Variants in SLC9A9 observed in about 807,000 individuals in gnomAD.
SLC9A9 encodes solute carrier family 9 member A9.
A neutral mutation model predicts 77.8 loss-of-function variants in SLC9A9; 62 were observed. The observed-to-expected ratio is 0.80, with a 90% CI of 0.65 to 0.98. The LOEUF (loss-of-function observed/expected upper bound fraction) is 0.98. Among genes scored for constraint, SLC9A9 ranks in the 50% least tolerant of loss-of-function variants. The probability of loss-of-function intolerance (pLI) is 0.00; values close to 1 mark genes in which losing one functional copy is unlikely to be tolerated. For missense variants in SLC9A9, 775 were observed against 774.9 expected (o/e 1.00, Z 0.00); for synonymous variants, 320 against 283.5 (o/e 1.13, Z -1.29).
At chr3:143,627,610 T>G in intron 6 of SLC9A9, 1 of 313,074 alleles carries the variant, frequency 3.2e-6, no homozygotes, top group South Asian at 3.8e-5. Flanking sequence ...AAAATGAAAT[T>G]GGAAGAGCCA....
intron 12 of SLC9A9, among the ~76,000 whole-genome samples, chr3:143,458,686 A>T (rs2035135966): frequency 6.6e-6 from 1 of 152,132 alleles, no homozygotes; most frequent in South Asian, 2.1e-4. Flanking sequence ...TTCAAGTGGA[A>T]TGTAGAAAAC....
At chr3:143,551,358 C>A (rs1019834613) in intron 9 of SLC9A9, among the ~76,000 whole-genome samples, 1 of 152,204 alleles carries the variant, frequency 6.6e-6, no homozygotes, top group African/African-American at 2.4e-5. Flanking sequence ...AAGTCCTTCA[C>A]AAGATACGTA....
intron 14 of SLC9A9, among the ~76,000 whole-genome samples, chr3:143,294,764 A>G (rs1308343293): frequency 6.6e-6 from 1 of 152,246 alleles, no homozygotes; most frequent in Non-Finnish European, 1.5e-5. Context: ...CTGAGTGGTT[A>G]AATTACTTGC....
In SLC9A9 at chr3:143,513,550, C is replaced by T. The variant is rs189787550; in HGVS notation, c.1090-18102G>A. On this transcript the variant is annotated intron_variant, in intron 9 of 15. Transcript: ENST00000316549. ...CTGTTAATGTTGATATTTTGACCTC[C>T]TTTCATAAATCACAAATGTTCTTAA... Among the ~76,000 whole-genome samples the T allele has an allele frequency of 3.9e-5, 6 of 152,320 alleles. 1 individual carries two copies. In the East Asian group the frequency reaches 1.2e-3, roughly 29 times the overall value.
chr3:143,514,915 C>T (rs1033255243), intron 9 of SLC9A9, among the ~76,000 whole-genome samples: 7 of 152,230 alleles, frequency 4.6e-5, no homozygotes, highest in Non-Finnish European at 7.4e-5. Flanking sequence ...GAAAACTTTT[C>T]CTTTGCATCA....
intron 12 of SLC9A9, among the ~76,000 whole-genome samples, chr3:143,407,168 T>C (rs1333464304): frequency 5.3e-5 from 8 of 152,210 alleles, no homozygotes. Flanking sequence ...CTTTGTAGTC[T>C]ACTTTTAGCT....
chr3:143,370,567 G>GCGCGCGCACACACACACACACA (rs373398536), intron 13 of SLC9A9, among the ~76,000 whole-genome samples: 1 of 143,304 alleles, frequency 7.0e-6, no homozygotes, highest in East Asian at 2.1e-4. Context: ...GCATGTGCGC[G>GCGCGCGCACACACACACACACA]CACACACACA....
At chr3:143,721,557 G>A (rs1174182089) in intron 4 of SLC9A9, among the ~76,000 whole-genome samples, 1 of 152,106 alleles carries the variant, frequency 6.6e-6, no homozygotes, top group Non-Finnish European at 1.5e-5. Context: ...AGATCTGGAG[G>A]TGAGCCCTGA....
At chr3:143,739,568 T>A (rs1209616437) in intron 4 of SLC9A9, among the ~76,000 whole-genome samples, 1 of 152,240 alleles carries the variant, frequency 6.6e-6, no homozygotes, top group African/African-American at 2.4e-5. Context: ...TTCTTACTAG[T>A]CTTACTTTAT....
At chr3:143,303,232 G>A (rs2030613758) in intron 14 of SLC9A9, among the ~76,000 whole-genome samples, 1 of 152,252 alleles carries the variant, frequency 6.6e-6, no homozygotes, top group African/African-American at 2.4e-5. Context: ...AGAAGTAGCT[G>A]TGTGTTTGTG....
chr3:143,417,318 A>G (rs1348719964), intron 12 of SLC9A9, among the ~76,000 whole-genome samples: 4 of 152,060 alleles, frequency 2.6e-5, no homozygotes, highest in Non-Finnish European at 5.9e-5. Flanking sequence ...CCTTCCCCCC[A>G]AAGTTTACAT....
intron 12 of SLC9A9, among the ~76,000 whole-genome samples, chr3:143,415,184 G>T (rs1397784786): frequency 6.6e-6 from 1 of 152,202 alleles, no homozygotes; most frequent in African/African-American, 2.4e-5. Flanking sequence ...TTTAAGGAAA[G>T]GAGCTATCTC....
intron 4 of SLC9A9, among the ~76,000 whole-genome samples, chr3:143,748,403 C>A (rs1212892330): frequency 6.6e-6 from 1 of 152,122 alleles, no homozygotes; most frequent in East Asian, 1.9e-4. Context: ...TGCTTCAAGC[C>A]CAATGTCTGG....
chr3:143,668,115 A>G (rs1048072849), intron 5 of SLC9A9, among the ~76,000 whole-genome samples: 22 of 152,170 alleles, frequency 1.4e-4, no homozygotes, highest in Non-Finnish European at 5.9e-5. Flanking sequence ...GATTAAGGAA[A>G]TGTGGCACAT....
chr3:143,783,141 C>T (rs1287775726), intron 4 of SLC9A9, among the ~76,000 whole-genome samples: 2 of 152,132 alleles, frequency 1.3e-5, no homozygotes, highest in African/African-American at 4.8e-5. Context: ...TAGCATCCTA[C>T]AACCTACAGA....
intron 14 of SLC9A9, among the ~76,000 whole-genome samples, chr3:143,325,755 C>G (rs894527893): frequency 1.3e-5 from 2 of 152,324 alleles, no homozygotes; most frequent in Admixed American, 1.3e-4. Flanking sequence ...AAAGGGATAG[C>G]TGTGGACTAT....
chr3:143,658,415 C>G (rs2038929563), intron 5 of SLC9A9, among the ~76,000 whole-genome samples: 2 of 152,158 alleles, frequency 1.3e-5, no homozygotes, highest in Non-Finnish European at 2.9e-5. Flanking sequence ...GAGAAGGGCT[C>G]CTGAGATCTT....
intron 2 of SLC9A9, among the ~76,000 whole-genome samples, chr3:143,803,697 C>G (rs1405631665): frequency 1.3e-5 from 2 of 152,262 alleles, no homozygotes; most frequent in African/African-American, 4.8e-5. Flanking sequence ...CTATCTCCAC[C>G]ACGCTATCAA....
At chr3:143,529,846 A>C (rs1223333335) in intron 9 of SLC9A9, among the ~76,000 whole-genome samples, 1 of 152,192 alleles carries the variant, frequency 6.6e-6, no homozygotes, top group Non-Finnish European at 1.5e-5. Context: ...TTTCCAGTAA[A>C]TTTAGCAAAT....
Sources: allele counts gnomAD v4.1 joint callset (sites outside exome capture counted in the v4.1 genomes callset), GRCh38; gene constraint gnomAD v4.1.1; transcripts MANE v1.5; gene names NCBI Gene and HGNC (gene_info 2026-07-23, HGNC 2026-07-21).